The following RASSF8 variants were observed in gnomAD, a reference collection of about 807,000 sequenced individuals.
The protein encoded by RASSF8 is Ras association domain family member 8, also known as ras association domain-containing protein 8.
In RASSF8, 22 loss-of-function variants were observed where a neutral mutation model predicts 48.5. That is an observed-to-expected ratio of 0.45 (90% CI 0.32 to 0.65). The LOEUF is 0.65. Ranked by LOEUF, RASSF8 falls within the 30% of genes least tolerant of loss-of-function variation. RASSF8 has a pLI of 0.03. For synonymous variants in RASSF8, 127 were observed against 171.5 expected (o/e 0.74, Z 2.03); for missense variants, 418 against 489.2 (o/e 0.85, Z 1.37).
chr12:26,030,672 C>T (rs886648023), intron 2 of RASSF8, among the ~76,000 whole-genome samples: 7 of 151,496 alleles, frequency 4.6e-5, no homozygotes, highest in Non-Finnish European at 1.0e-4. Context: ...ACCAAATAGA[C>T]ATCCCCGAAG....
chr12:26,047,880 C>T (rs1410354466), intron 2 of RASSF8, among the ~76,000 whole-genome samples: 1 of 152,104 alleles, frequency 6.6e-6, no homozygotes, highest in Non-Finnish European at 1.5e-5. Context: ...CGCCTGGAGG[C>T]CACATGTAGG....
chr12:26,055,352 T>TA lies in RASSF8; in HGVS notation c.12dup (p.Val5SerfsTer15), dbSNP rs1943578685. 6.2e-7 allele frequency: 1 copy of TA among 1,613,988 alleles called. No individual in the cohort carries two copies. The highest frequency in any genetic ancestry group is 8.5e-7 in the Non-Finnish European group (1 of 1,179,914). On this transcript the variant is annotated frameshift_variant, in exon 3 of 6. Transcript: ENST00000689635. LOFTEE classifies it high-confidence loss of function. ...TGACTGGCCGGTGCACCATGGAACT[T>TA]AAAGTATGGGTGGATGGAGTTCAGA... is the stretch of plus-strand genomic sequence containing the variant.
chr12:26,014,360 T>C (rs1942597566), intron 2 of RASSF8, among the ~76,000 whole-genome samples: 1 of 152,236 alleles, frequency 6.6e-6, no homozygotes, highest in South Asian at 2.1e-4. Flanking sequence ...GTAGGCAAGA[T>C]AAAACGTATG....
chr12:25,978,633 T>A (rs1340029918), intron 1 of RASSF8, among the ~76,000 whole-genome samples: 1 of 152,176 alleles, frequency 6.6e-6, no homozygotes, highest in African/African-American at 2.4e-5. Context: ...GAGGCACTCA[T>A]TAAATATATG....
chr12:26,022,745 T>TC (rs1351514283), intron 2 of RASSF8, among the ~76,000 whole-genome samples: 1 of 152,054 alleles, frequency 6.6e-6, no homozygotes, highest in Admixed American at 6.5e-5. Context: ...TTTCTTTCTT[T>TC]CTTTTTTTTT....
At chr12:25,989,068 G>A (rs1480501424) in intron 1 of RASSF8, among the ~76,000 whole-genome samples, 1 of 152,198 alleles carries the variant, frequency 6.6e-6, no homozygotes, top group Non-Finnish European at 1.5e-5. Context: ...TTACCAAGCG[G>A]TAGTAAAGAC....
At chr12:26,074,184 C>A (rs1054755007), downstream of RASSF8, among the ~76,000 whole-genome samples, 2 of 152,162 alleles carry the variant, frequency 1.3e-5, no homozygotes, top group African/African-American at 2.4e-5. Flanking sequence ...TCACCCACTA[C>A]CCTCTCCACA....
chr12:25,968,224 C>A (rs1941403103), intron 1 of RASSF8, among the ~76,000 whole-genome samples: 1 of 152,244 alleles, frequency 6.6e-6, no homozygotes, highest in African/African-American at 2.4e-5. Flanking sequence ...CCAGTGGAAA[C>A]TTTTCAGCCC....
At chr12:26,020,672 T>G (rs2729653) in intron 2 of RASSF8, among the ~76,000 whole-genome samples, 108,886 of 151,890 alleles carry the variant, frequency 0.72, 39,095 homozygotes, top group South Asian at 0.79. Flanking sequence ...AATATTTAAG[T>G]TTAAAAAAAA....
At chr12:26,002,650 C>G (rs574053730) in intron 2 of RASSF8, among the ~76,000 whole-genome samples, 3 of 152,122 alleles carry the variant, frequency 2.0e-5, no homozygotes, top group Non-Finnish European at 4.4e-5. Flanking sequence ...TGGCGCACAC[C>G]TGTAATTTCA....
chr12:26,015,042 C>CAA (rs200867318), intron 2 of RASSF8, among the ~76,000 whole-genome samples: 14,496 of 142,170 alleles, frequency 0.1, 750 homozygotes, highest in Middle Eastern at 0.16. Flanking sequence ...CCCGTCTGTC[C>CAA]AAAAAAAAAA....
intron 3 of RASSF8, among the ~76,000 whole-genome samples, chr12:26,056,260 A>G (rs1333205491): frequency 6.6e-6 from 1 of 152,154 alleles, no homozygotes; most frequent in Non-Finnish European, 1.5e-5. Flanking sequence ...TTCTCCCACC[A>G]TGTTTTACCC....
chr12:26,078,929 A>T lies in RASSF8; in HGVS notation c.1139-104A>T, dbSNP rs953187809. 60 of 1,111,240 alleles carry T rather than the reference A, an allele frequency of 5.4e-5. No homozygotes were observed. The African/African-American group carries it at 8.8e-4, about 16-fold the overall frequency. 68.8% of individuals were successfully genotyped at this position (1,111,240 alleles called of 1,614,324 possible). ...AAAGGCGCTAACCGAAAAGACAAAG[A>T]CCCAAACTAAAGCTAGTAATTGAGA... On this transcript the variant is annotated intron_variant, in intron 5 of 5. Transcript: ENST00000381352.
chr12:26,068,469 T>C (rs1410690560), intron 5 of RASSF8, among the ~76,000 whole-genome samples: 1 of 152,170 alleles, frequency 6.6e-6, no homozygotes, highest in South Asian at 2.1e-4. Flanking sequence ...AGAAGCAGAA[T>C]ATTCACCTTT....
chr12:26,071,542 C>A lies in RASSF8; in HGVS notation c.*2724C>A. 1 of 976,680 alleles carries A rather than the reference C, an allele frequency of 1.0e-6. No individual in the cohort carries two copies. Among genetic ancestry groups the A allele is most frequent in the Non-Finnish European group, 1.2e-6 (1 of 822,024 alleles). 60.5% of individuals were successfully genotyped at this position (976,680 alleles called of 1,614,324 possible). On this transcript the variant is annotated 3_prime_UTR_variant, in exon 6 of 6. Coordinates refer to ENST00000689635, the MANE Select transcript of RASSF8 (RefSeq NM_001394098.1). ...ATTTGACCTTTTGAGTGTCTGTCAT[C>A]CTCAGAGAATGGCCCATAGTGTGTT... is the stretch of plus-strand genomic sequence containing the variant.
intron 5 of RASSF8, among the ~76,000 whole-genome samples, chr12:26,078,416 A>G (rs1944089526): frequency 6.6e-6 from 1 of 152,168 alleles, no homozygotes; most frequent in African/African-American, 2.4e-5. Context: ...CATAACCCAC[A>G]TCAGGCTTCA....
intron 1 of RASSF8, among the ~76,000 whole-genome samples, chr12:25,961,223 G>A (rs578069757): frequency 6.6e-6 from 1 of 152,244 alleles, no homozygotes; most frequent in African/African-American, 2.4e-5. Flanking sequence ...ATTGTTTGCC[G>A]TGGGATATTG....
intron 1 of RASSF8, among the ~76,000 whole-genome samples, chr12:25,961,330 A>G (rs1592206090): frequency 6.6e-6 from 1 of 152,226 alleles, no homozygotes; most frequent in East Asian, 1.9e-4. Flanking sequence ...TCAAAACATT[A>G]CAAAACTCTT....
chr12:26,039,760 C>T (rs1215859159), intron 2 of RASSF8, among the ~76,000 whole-genome samples: 1 of 152,124 alleles, frequency 6.6e-6, no homozygotes, highest in Non-Finnish European at 1.5e-5. Flanking sequence ...ACCCTGTGAC[C>T]TGGGAGTTGA....
Sources: allele counts gnomAD v4.1 joint callset (sites outside exome capture counted in the v4.1 genomes callset), GRCh38; gene constraint gnomAD v4.1.1; transcripts MANE v1.5; gene names NCBI Gene and HGNC (gene_info 2026-07-23, HGNC 2026-07-21).